Variants in CAMTA1 observed in about 807,000 individuals in gnomAD.
CAMTA1 encodes calmodulin-binding transcription activator 1.
CAMTA1 carries 27 observed loss-of-function variants against 170.9 expected under a neutral mutation model. The observed-to-expected ratio is 0.16, with a 90% CI of 0.12 to 0.22. The LOEUF (loss-of-function observed/expected upper bound fraction) is 0.22, where lower values mean the gene tolerates loss of function less well. Among genes scored for constraint, CAMTA1 ranks in the 10% least tolerant of loss-of-function variants. The pLI is 1.00. For missense variants in CAMTA1, 1,619 were observed against 2,217.2 expected (o/e 0.73, Z 5.42); for synonymous variants, 833 against 891.5 (o/e 0.93, Z 1.17).
At chr1:7,517,923 T>A (rs2094309029) in intron 6 of CAMTA1, among the ~76,000 whole-genome samples, 1 of 151,960 alleles carries the variant, frequency 6.6e-6, no homozygotes, top group South Asian at 2.1e-4. Flanking sequence ...CACCTGGCTC[T>A]GAGAGCCCAG....
At chr1:7,240,401 T>G (rs1465125059) in intron 4 of CAMTA1, among the ~76,000 whole-genome samples, 1 of 152,162 alleles carries the variant, frequency 6.6e-6, no homozygotes, top group African/African-American at 2.4e-5. Flanking sequence ...TTTTGTTTGT[T>G]TGAGGACTAT....
rs1055216574 is a variant in CAMTA1, at chr1:7,388,998, G to A, written c.439-78832G>A. Among the ~76,000 whole-genome samples, 112 of 152,170 alleles carry A rather than the reference G, an allele frequency of 7.4e-4. 2 individuals carry two copies. Among genetic ancestry groups the A allele is most frequent in the Non-Finnish European group, 1.0e-3 (68 of 68,014 alleles). On this transcript the variant is annotated intron_variant, in intron 5 of 22. Transcript: ENST00000303635. ...CTCTGTTGTTACACTCTCCATCCCCGTGCCATTCAGAGCCTCCCAGCACTG... is the reference window on the plus strand; with the variant it reads ...CTCTGTTGTTACACTCTCCATCCCCATGCCATTCAGAGCCTCCCAGCACTG...
intron 6 of CAMTA1, among the ~76,000 whole-genome samples, chr1:7,490,134 G>A (rs1230734223): frequency 1.3e-5 from 2 of 152,326 alleles, no homozygotes; most frequent in East Asian, 1.9e-4. Context: ...AGTACGATAG[G>A]AGCAAATAGC....
In CAMTA1 at chr1:7,426,571, G is replaced by A. The variant is rs778649700; in HGVS notation, c.439-41259G>A. Reference sequence around the variant, plus strand: ...GATCGTTTAAAAGATTAACTTTAGTGAAAGCTTCGAGGTTTGGCAAATCCA... The same window carrying A: ...GATCGTTTAAAAGATTAACTTTAGTAAAAGCTTCGAGGTTTGGCAAATCCA... On this transcript the variant is annotated intron_variant, in intron 5 of 22. Transcript: ENST00000303635. The surrounding 1 kb of genome is among the most constrained non-coding windows in gnomAD (Gnocchi z 4.8). Among the ~76,000 whole-genome samples the A allele has an allele frequency of 6.6e-6, 1 of 152,192 alleles. No individual in the cohort carries two copies. Among genetic ancestry groups the A allele is most frequent in the Non-Finnish European group, 1.5e-5 (1 of 68,044 alleles).
intron 4 of CAMTA1, among the ~76,000 whole-genome samples, chr1:7,188,325 C>T (rs1409998545): frequency 6.6e-6 from 1 of 152,196 alleles, no homozygotes; most frequent in Non-Finnish European, 1.5e-5. Context: ...CCTAACATAA[C>T]ATTTACCACT....
At chr1:6,968,068 A>G (rs1418602060) in intron 3 of CAMTA1, among the ~76,000 whole-genome samples, 1 of 152,226 alleles carries the variant, frequency 6.6e-6, no homozygotes, top group African/African-American at 2.4e-5. Flanking sequence ...AGCGTTCAGC[A>G]GCTCATTCCC....
Position 6,895,567 on chromosome 1 carries a change from C to A in CAMTA1, c.234+70357C>A, listed in dbSNP as rs115752260. Among the ~76,000 whole-genome samples the A allele has an allele frequency of 2.0e-3, 298 of 152,360 alleles. 1 individual carries two copies. Among genetic ancestry groups the A allele is most frequent in the Non-Finnish European group, 3.5e-3 (239 of 68,048 alleles). On this transcript the variant is annotated intron_variant, in intron 3 of 22. Transcript: ENST00000303635. The stretch of plus-strand genomic sequence containing the variant: ...AGTGACTTTCTATCCATTTGGAGTC[C>A]GGTCAGCATGAATAATCTGGCCTCT...
At chr1:6,903,991 C>G (rs928156756) in intron 3 of CAMTA1, among the ~76,000 whole-genome samples, 2 of 152,212 alleles carry the variant, frequency 1.3e-5, no homozygotes, top group African/African-American at 4.8e-5. Flanking sequence ...GTTTATTCCT[C>G]TCTCTTGAGT....
intron 5 of CAMTA1, among the ~76,000 whole-genome samples, chr1:7,367,862 T>C (rs539476632): frequency 4.6e-5 from 7 of 151,818 alleles, no homozygotes; most frequent in African/African-American, 1.7e-4. Flanking sequence ...CACTCATGGT[T>C]TCGTTGGGCA....
At chr1:7,335,590 G>T (rs568236335) in intron 5 of CAMTA1, among the ~76,000 whole-genome samples, 6 of 152,062 alleles carry the variant, frequency 3.9e-5, no homozygotes, top group African/African-American at 1.4e-4. Context: ...TATACATCTC[G>T]CTCTGGGGAG....
At chr1:7,287,650 C>T (rs993825258) in intron 5 of CAMTA1, among the ~76,000 whole-genome samples, 5 of 152,034 alleles carry the variant, frequency 3.3e-5, no homozygotes, top group Non-Finnish European at 5.9e-5. Context: ...GGTTAGGCCA[C>T]GTGCTGGTAA....
intron 4 of CAMTA1, among the ~76,000 whole-genome samples, chr1:7,102,799 T>C (rs1249905615): frequency 6.6e-6 from 1 of 152,092 alleles, no homozygotes; most frequent in Non-Finnish European, 1.5e-5. Context: ...CCGTGCTCTG[T>C]TTGGGGAATG....
At chr1:7,514,433 C>G (rs1002410032) in intron 6 of CAMTA1, among the ~76,000 whole-genome samples, 2 of 152,236 alleles carry the variant, frequency 1.3e-5, no homozygotes, top group African/African-American at 4.8e-5. Context: ...AGTTAACATT[C>G]CTTGAGCACC....
chr1:7,637,471 A>G (rs561119981), intron 6 of CAMTA1, among the ~76,000 whole-genome samples: 116 of 152,132 alleles, frequency 7.6e-4, no homozygotes, highest in Non-Finnish European at 1.3e-3. Flanking sequence ...GGAGGCCACT[A>G]TGTTGGTCTG....
chr1:6,792,735 G>A (rs1388229711), intron 1 of CAMTA1, among the ~76,000 whole-genome samples: 2 of 151,966 alleles, frequency 1.3e-5, no homozygotes, highest in South Asian at 2.1e-4. Flanking sequence ...TCCTTTTGCA[G>A]TTACTTTCTT....
chr1:7,427,626 C>A (rs1043893764), intron 5 of CAMTA1, among the ~76,000 whole-genome samples: 2 of 152,214 alleles, frequency 1.3e-5, no homozygotes, highest in Non-Finnish European at 2.9e-5. Flanking sequence ...AATTTTCAAT[C>A]TCTAGTCTCT....
At position 7,149,504 on chromosome 1, in the gene CAMTA1, C is replaced by T. The variant is rs149541413; in HGVS notation, c.302+58133C>T. ...TCAGGCTGGTAGTCTGGTTTCGTAA[C>T]GGCCGTGTGGCCGCGGGTCAGGTGC... On this transcript the variant is annotated intron_variant, in intron 4 of 22. Transcript: ENST00000303635. 2.4e-3 allele frequency among the ~76,000 whole-genome samples: 369 copies of T among 152,320 alleles called. 1 individual carries two copies. Among genetic ancestry groups the T allele is most frequent in the African/African-American group, 8.3e-3 (343 of 41,560 alleles).
intron 3 of CAMTA1, among the ~76,000 whole-genome samples, chr1:6,853,930 T>C (rs891529596): frequency 2.6e-5 from 4 of 152,174 alleles, no homozygotes; most frequent in Non-Finnish European, 5.9e-5. Flanking sequence ...TTAACAAAAA[T>C]GACAAAGAAC....
intron 3 of CAMTA1, among the ~76,000 whole-genome samples, chr1:6,950,168 C>T (rs561614024): frequency 5.5e-4 from 84 of 152,276 alleles, no homozygotes; most frequent in Admixed American, 1.1e-3. Context: ...GCTGGCTGGG[C>T]GGAGGCAGCA....
Sources: gnomAD v4.1 joint callset for allele counts (sites outside exome capture counted in the v4.1 genomes callset) on GRCh38, gnomAD v4.1.1 for gene constraint, Gnocchi (gnomAD v3.1) non-coding constraint, MANE v1.5 for transcripts, NCBI Gene and HGNC (gene_info 2026-07-23, HGNC 2026-07-21) for gene names.